Variants in CTNNA3 observed in about 807,000 individuals in gnomAD.
CTNNA3 encodes the protein catenin alpha 3.
A neutral mutation model predicts 95.7 loss-of-function variants in CTNNA3; 76 were observed. That is an observed-to-expected ratio of 0.79 (90% CI 0.66 to 0.96). The LOEUF (loss-of-function observed/expected upper bound fraction) is 0.96. Ranked by LOEUF, CTNNA3 falls within the 40% of genes least tolerant of loss-of-function variation. CTNNA3 has a pLI of 0.00. For missense variants in CTNNA3, 1,191 were observed against 1,089.8 expected (o/e 1.09, Z -1.31); for synonymous variants, 431 against 374.4 (o/e 1.15, Z -1.74).
intron 9 of CTNNA3, among the ~76,000 whole-genome samples, chr10:66,684,120 C>G (rs1847164604): frequency 2.0e-5 from 3 of 152,018 alleles, no homozygotes; most frequent in Admixed American, 1.3e-4. Flanking sequence ...TTTTCAATTT[C>G]TAAACCAGCA....
chr10:67,440,107 T>A (rs559229154), intron 5 of CTNNA3, among the ~76,000 whole-genome samples: 1 of 152,254 alleles, frequency 6.6e-6, no homozygotes, highest in South Asian at 2.1e-4. Context: ...GGAGCCCACA[T>A]CCCTTAAGGG....
At chr10:66,226,911 A>G (rs947323156) in intron 13 of CTNNA3, among the ~76,000 whole-genome samples, 2 of 152,106 alleles carry the variant, frequency 1.3e-5, no homozygotes, top group Non-Finnish European at 1.5e-5. Context: ...TTTATTGTGT[A>G]TCCTGCAAAT....
At chr10:67,476,595 C>T (rs1848023429) in intron 5 of CTNNA3, among the ~76,000 whole-genome samples, 1 of 151,966 alleles carries the variant, frequency 6.6e-6, no homozygotes. Context: ...GAACAGCAGC[C>T]TGAGCTGCCC....
At chr10:66,534,227 A>G (rs1303104917) in intron 10 of CTNNA3, among the ~76,000 whole-genome samples, 1 of 152,070 alleles carries the variant, frequency 6.6e-6, no homozygotes, top group Admixed American at 6.6e-5. Context: ...GGTTAGCTAG[A>G]GGTCAGAACA....
At chr10:66,043,507 G>A (rs2079752616) in intron 15 of CTNNA3, among the ~76,000 whole-genome samples, 1 of 152,106 alleles carries the variant, frequency 6.6e-6, no homozygotes, top group African/African-American at 2.4e-5. Context: ...AAATGAGCCA[G>A]ATTTGAAATA....
At chr10:66,153,405 T>C (rs1439894665) in intron 13 of CTNNA3, among the ~76,000 whole-genome samples, 1 of 151,962 alleles carries the variant, frequency 6.6e-6, no homozygotes, top group Non-Finnish European at 1.5e-5. Context: ...AGAAAGATAC[T>C]ATTTTTATAT....
intron 5 of CTNNA3, among the ~76,000 whole-genome samples, chr10:67,275,269 C>A (rs1318731330): frequency 6.6e-6 from 1 of 152,110 alleles, no homozygotes; most frequent in African/African-American, 2.4e-5. Context: ...AAATAAGGTG[C>A]TAAATAACCA....
intron 11 of CTNNA3, among the ~76,000 whole-genome samples, chr10:66,467,494 G>T (rs1231396341): frequency 1.3e-5 from 2 of 151,966 alleles, no homozygotes; most frequent in South Asian, 2.1e-4. Flanking sequence ...ACAAAAAATG[G>T]CAGTCCCCTT....
chr10:67,132,147 G>T (rs760097360), intron 7 of CTNNA3, among the ~76,000 whole-genome samples: 16 of 152,120 alleles, frequency 1.1e-4, no homozygotes, highest in Non-Finnish European at 2.1e-4. Flanking sequence ...ATAGGATACA[G>T]CATTTGAAGA....
intron 7 of CTNNA3, among the ~76,000 whole-genome samples, chr10:67,165,636 A>G (rs1341519872): frequency 2.0e-5 from 3 of 152,194 alleles, no homozygotes; most frequent in Non-Finnish European, 4.4e-5. Context: ...TGAATCTATA[A>G]TTATTTCAAA....
chr10:67,726,974 T>C (rs1457921008), intron 1 of CTNNA3, among the ~76,000 whole-genome samples: 3 of 113,042 alleles, frequency 2.7e-5, no homozygotes, highest in Non-Finnish European at 4.9e-5. Flanking sequence ...ATATATATAA[T>C]ATACGATACA....
chr10:66,185,831 C>T (rs2086305849), intron 13 of CTNNA3, among the ~76,000 whole-genome samples: 2 of 151,664 alleles, frequency 1.3e-5, no homozygotes, highest in South Asian at 4.1e-4. Context: ...AATGTCTTAT[C>T]TAATATTTAG....
Position 66,926,468 on chromosome 10 carries a change from C to T in CTNNA3, c.1048-150944G>A. 4 of 1,220,716 alleles carry T rather than the reference C, an allele frequency of 3.3e-6. No individual in the cohort carries two copies. The South Asian group carries it at 5.2e-5, about 16-fold the overall frequency. The allele number at this position is 1,220,716 out of a possible 1,614,324, so 75.6% of individuals were successfully genotyped here. On this transcript the variant is annotated intron_variant, in intron 7 of 17. Coordinates refer to ENST00000433211, the MANE Select transcript of CTNNA3 (RefSeq NM_013266.4). ...CCATCTCCCAAGGGGTCCAATTTTT[C>T]TTCCTGGGTGTCAGCGAGCCCTGAC... is the stretch of plus-strand genomic sequence containing the variant.
chr10:66,459,673 G>A (rs1037125990), intron 11 of CTNNA3, among the ~76,000 whole-genome samples: 10 of 152,290 alleles, frequency 6.6e-5, no homozygotes, highest in African/African-American at 2.4e-4. Context: ...GGATGGTATA[G>A]CCTGTTGCTT....
intron 5 of CTNNA3, among the ~76,000 whole-genome samples, chr10:67,394,541 T>G (rs953219750): frequency 6.6e-6 from 1 of 152,076 alleles, no homozygotes; most frequent in African/African-American, 2.4e-5. Flanking sequence ...TCTTACAACA[T>G]TTCTGCACAA....
At position 67,381,986 on chromosome 10, in the gene CTNNA3, A is replaced by G. The variant is rs147609227; in HGVS notation, c.579+139856T>C. 1.9e-3 allele frequency among the ~76,000 whole-genome samples: 291 copies of G among 152,328 alleles called. 2 individuals carry two copies. The highest frequency in any genetic ancestry group is 6.7e-3 in the African/African-American group (280 of 41,574). On this transcript the variant is annotated intron_variant, in intron 5 of 17. Transcript: ENST00000433211. ...TCTTTGGTGACTAATACTTAAAATT[A>G]TATCAGTTTACTTAAACCATGTTCA...
chr10:66,118,781 G>A (rs2082446235), intron 13 of CTNNA3, among the ~76,000 whole-genome samples: 1 of 152,020 alleles, frequency 6.6e-6, no homozygotes, highest in African/African-American at 2.4e-5. Context: ...TTATCAATGT[G>A]GCAAGATGAA....
intron 10 of CTNNA3, among the ~76,000 whole-genome samples, chr10:66,611,272 A>C (rs765213284): frequency 7.9e-5 from 12 of 152,146 alleles, no homozygotes; most frequent in Non-Finnish European, 1.8e-4. Flanking sequence ...AAATAGCTAG[A>C]AGTGAAGAAT....
chr10:66,154,160 T>C (rs1049150247), intron 13 of CTNNA3, among the ~76,000 whole-genome samples: 1 of 151,898 alleles, frequency 6.6e-6, no homozygotes, highest in Non-Finnish European at 1.5e-5. Context: ...ATATTTCTTA[T>C]CCCCAAACAT....
Sources: gnomAD v4.1 joint callset for allele counts (sites outside exome capture counted in the v4.1 genomes callset) on GRCh38, gnomAD v4.1.1 for gene constraint, MANE v1.5 for transcripts, NCBI Gene and HGNC (gene_info 2026-07-23, HGNC 2026-07-21) for gene names.